SOBP: variants seen among roughly 807,000 people sequenced by gnomAD.
SOBP encodes sine oculis binding protein homolog.
In SOBP, 4 loss-of-function variants were observed where a neutral mutation model predicts 53.6. The observed-to-expected ratio is 0.07, with a 90% CI of 0.04 to 0.17. The LOEUF is 0.17. SOBP is among the 10% of genes least tolerant of loss of function. SOBP has a pLI of 1.00. For missense variants in SOBP, 1,088 were observed against 1,204.7 expected (o/e 0.90, Z 1.43); for synonymous variants, 584 against 522.6 (o/e 1.12, Z -1.60).
At chr6:107,532,083 T>G (rs1269921914) in intron 3 of SOBP, among the ~76,000 whole-genome samples, 1 of 152,046 alleles carries the variant, frequency 6.6e-6, no homozygotes, top group Admixed American at 6.6e-5. Context: ...TGCTTAGCAA[T>G]TAGTCTTTGG....
rs535155050 is a variant in SOBP, at chr6:107,527,609, C to T, written c.422-5850C>T. On this transcript the variant is annotated intron_variant, in intron 3 of 6. Transcript: ENST00000317357. The stretch of plus-strand genomic sequence containing the variant: ...ATATTTAATCGTATTTGATCCTCAC[C>T]GAAGCCATAGTTAGGGTGGGCATGA... 1.6e-4 allele frequency among the ~76,000 whole-genome samples: 24 copies of T among 152,236 alleles called. No homozygotes were observed. In the South Asian group the frequency reaches 3.9e-3, roughly 25 times the overall value.
chr6:107,647,611 C>T (rs2115170903), intron 6 of SOBP, among the ~76,000 whole-genome samples: 1 of 152,284 alleles, frequency 6.6e-6, no homozygotes, highest in South Asian at 2.1e-4. Flanking sequence ...GGAAACCATT[C>T]CAGAAATTCT....
chr6:107,570,387 G>A (rs925975425), intron 4 of SOBP, among the ~76,000 whole-genome samples: 1 of 152,022 alleles, frequency 6.6e-6, no homozygotes, highest in Non-Finnish European at 1.5e-5. Context: ...ATCAATCTAG[G>A]GAATTTTTAC....
At chr6:107,562,161 G>C (rs1784791412) in intron 4 of SOBP, among the ~76,000 whole-genome samples, 1 of 151,842 alleles carries the variant, frequency 6.6e-6, no homozygotes, top group African/African-American at 2.4e-5. Flanking sequence ...ATCCTGAGTA[G>C]CTGGAATTAC....
intron 3 of SOBP, among the ~76,000 whole-genome samples, chr6:107,527,299 G>A (rs559482950): frequency 1.3e-5 from 2 of 152,370 alleles, no homozygotes; most frequent in African/African-American, 4.8e-5. Context: ...ATTAATTCAA[G>A]TTAAGTACTT....
chr6:107,547,685 T>A (rs1784339677), intron 4 of SOBP, among the ~76,000 whole-genome samples: 1 of 152,218 alleles, frequency 6.6e-6, no homozygotes, highest in South Asian at 2.1e-4. Context: ...ACCTTTGCAG[T>A]TGGCCACAAT....
intron 4 of SOBP, among the ~76,000 whole-genome samples, chr6:107,535,637 GTTT>G (rs1196256220): frequency 1.5e-5 from 2 of 135,290 alleles, no homozygotes; most frequent in African/African-American, 5.4e-5. Flanking sequence ...GTGTGTGTGT[GTTT>G]TTTTTTTTTC....
chr6:107,492,461 A>C (rs914246024), intron 1 of SOBP, among the ~76,000 whole-genome samples: 1 of 152,192 alleles, frequency 6.6e-6, no homozygotes, highest in Admixed American at 6.5e-5. Flanking sequence ...ATTTTAATCA[A>C]AACATGTGAA....
intron 4 of SOBP, among the ~76,000 whole-genome samples, chr6:107,575,267 A>G (rs1490934658): frequency 6.6e-6 from 1 of 152,230 alleles, no homozygotes; most frequent in Non-Finnish European, 1.5e-5. Flanking sequence ...TAAAATGCTT[A>G]GCACAGGGTC....
chr6:107,583,771 A>G (rs1317685776), intron 4 of SOBP, among the ~76,000 whole-genome samples: 6 of 152,102 alleles, frequency 3.9e-5, no homozygotes, highest in African/African-American at 1.4e-4. Flanking sequence ...GGTAAGGTCT[A>G]CCATAGGGAC....
chr6:107,632,328 C>T (rs1770750466), intron 5 of SOBP, among the ~76,000 whole-genome samples: 1 of 151,106 alleles, frequency 6.6e-6, no homozygotes, highest in Admixed American at 6.6e-5. Context: ...AATGGCCCCC[C>T]CCCAAAAAAA....
At chr6:107,566,907 C>T (rs533188571) in intron 4 of SOBP, among the ~76,000 whole-genome samples, 60 of 152,366 alleles carry the variant, frequency 3.9e-4, no homozygotes, top group African/African-American at 1.4e-3. Context: ...GTCCAGTCAA[C>T]TCAGACCAGA....
At chr6:107,548,721 G>A (rs1029255368) in intron 4 of SOBP, among the ~76,000 whole-genome samples, 11 of 152,060 alleles carry the variant, frequency 7.2e-5, no homozygotes, top group African/African-American at 2.2e-4. Context: ...AGGATCACTT[G>A]AGGCCAGGAG....
At chr6:107,623,519 G>C (rs1040496343) in intron 5 of SOBP, among the ~76,000 whole-genome samples, 2 of 151,038 alleles carry the variant, frequency 1.3e-5, no homozygotes, top group South Asian at 2.1e-4. Flanking sequence ...CCCAAGTCAG[G>C]GGGAGAGAGA....
chr6:107,554,725 A>G (rs927307154), intron 4 of SOBP, among the ~76,000 whole-genome samples: 13 of 152,198 alleles, frequency 8.5e-5, no homozygotes, highest in Non-Finnish European at 1.0e-4. Context: ...ATTGCCCTCT[A>G]AATGACTCCC....
chr6:107,605,926 G>C (rs1335216642), intron 5 of SOBP, among the ~76,000 whole-genome samples: 1 of 152,076 alleles, frequency 6.6e-6, no homozygotes. Flanking sequence ...CTATAGGCTA[G>C]GGGGTGATGA....
intron 5 of SOBP, among the ~76,000 whole-genome samples, chr6:107,601,411 T>C (rs2115084101): frequency 1.3e-5 from 2 of 152,378 alleles, no homozygotes. Flanking sequence ...TATGTTTGAA[T>C]TTAGCTACTA....
chr6:107,620,082 A>G (rs1034673910), intron 5 of SOBP, among the ~76,000 whole-genome samples: 6 of 152,108 alleles, frequency 3.9e-5, no homozygotes, highest in Non-Finnish European at 7.4e-5. Flanking sequence ...AGCCATTGCC[A>G]CTCATCCCTG....
intron 4 of SOBP, among the ~76,000 whole-genome samples, chr6:107,545,455 C>T (rs755624879): frequency 3.3e-5 from 5 of 152,066 alleles, no homozygotes; most frequent in Admixed American, 6.6e-5. Flanking sequence ...AATGGTGTGG[C>T]GGGAAGGAAG....
Sources: gnomAD v4.1 joint callset for allele counts (sites outside exome capture counted in the v4.1 genomes callset) on GRCh38, gnomAD v4.1.1 for gene constraint, MANE v1.5 for transcripts, NCBI Gene and HGNC (gene_info 2026-07-23, HGNC 2026-07-21) for gene names.